LRRK1: variants seen among roughly 807,000 people sequenced by gnomAD.
LRRK1 encodes leucine-rich repeat serine/threonine-protein kinase 1.
Under a neutral mutation model 209.1 loss-of-function variants are expected in LRRK1, and 113 were observed. That is an observed-to-expected ratio of 0.54 (90% CI 0.46 to 0.63). The LOEUF is 0.63. Among genes scored for constraint, LRRK1 ranks in the 30% least tolerant of loss-of-function variants. LRRK1 has a pLI of 0.00. For synonymous variants in LRRK1, 1,144 were observed against 1,099.7 expected (o/e 1.04, Z -0.80); for missense variants, 2,284 against 2,632.2 (o/e 0.87, Z 2.89).
At position 101,049,675 on chromosome 15, in the gene LRRK1, A is replaced by C; in HGVS notation, c.3331A>C (p.Lys1111Gln). ...VESSDVNWKKKKSGGMKIVCQ... is the reference protein window; with the variant it reads ...VESSDVNWKKQKSGGMKIVCQ... ...ATCTTCCGACGTGAACTGGAAAAAG[A>C]AGAAAAGCGGAGGAATGAAAATTGT... The change falls in exon 23 of 34, where the codon AAG (lysine) becomes CAG (glutamine). Residue 1111 changes from lysine to glutamine, a missense_variant. This residue lies in a region of LRRK1 where 780 missense variants were observed against 985.2 expected (regional missense o/e 0.79). Transcript: ENST00000388948. 3 of 1,614,072 alleles carry C rather than the reference A, an allele frequency of 1.9e-6. No individual in the cohort carries two copies. Among genetic ancestry groups the C allele is most frequent in the Non-Finnish European group, 8.5e-7 (1 of 1,179,962 alleles).
Position 101,010,510 on chromosome 15 carries a change from C to T in LRRK1, c.1050C>T (p.His350=). The T allele has an allele frequency of 3.7e-6, 6 of 1,612,312 alleles. No homozygotes were observed. Among genetic ancestry groups the T allele is most frequent in the Non-Finnish European group, 5.1e-6 (6 of 1,179,536 alleles). ...CCCACCTCCCTCCTGGATTCTTGCA[C>T]CTCTCAAAACTTCAAAAACTGACAG... ...KLSHLPPGFL[H]LSKLQKLTAS... Residue 350 remains histidine, a synonymous_variant, in exon 8 of 34, where the codon CAC becomes CAT. Transcript: ENST00000388948.
chr15:100,933,425 G>A (rs945211761), intron 2 of LRRK1, among the ~76,000 whole-genome samples: 26 of 152,178 alleles, frequency 1.7e-4, no homozygotes, highest in East Asian at 1.9e-4. Flanking sequence ...TTCTGCTTTC[G>A]CTATAGTTTT....
rs1290479186 is a variant in LRRK1 at position 101,075,400 on chromosome 15, G to A, written c.*6552G>A. The A allele has an allele frequency of 1.6e-4, 19 of 121,738 alleles. No individual in the cohort carries two copies. Among genetic ancestry groups the A allele is most frequent in the African/African-American group, 6.5e-4 (17 of 26,304 alleles). The allele number at this position is 121,738 out of a possible 1,614,324, so 7.5% of individuals were successfully genotyped here. On this transcript the variant is annotated 3_prime_UTR_variant, in exon 34 of 34. Transcript: ENST00000388948. ...CTTCCCAATCCAAAGCCTCCTTTGT[G>A]TCCTCCTCTTGTATCCCCCGACCTT...
In LRRK1 at chr15:101,007,427, G is replaced by A. The variant is rs139375497; in HGVS notation, c.763-1410G>A. On this transcript the variant is annotated intron_variant, in intron 6 of 33. Coordinates refer to ENST00000388948, the MANE Select transcript of LRRK1 (RefSeq NM_024652.6). ...GCAAAGTCCTGCTCCCATATATTTCGCCAGGTCCCTTTGACCACCCCATGC... is the reference window on the plus strand; with the variant it reads ...GCAAAGTCCTGCTCCCATATATTTCACCAGGTCCCTTTGACCACCCCATGC... Among the ~76,000 whole-genome samples, 9 of 152,250 alleles carry A rather than the reference G, an allele frequency of 5.9e-5. No homozygotes were observed. In the East Asian group the frequency reaches 9.6e-4, roughly 16 times the overall value.
chr15:101,028,574 C>T (rs75964694), intron 19 of LRRK1, among the ~76,000 whole-genome samples: 17,216 of 152,310 alleles, frequency 0.11, 1,151 homozygotes, highest in Non-Finnish European at 0.15. Flanking sequence ...GTTCAGCCTC[C>T]GCTGGCAACG....
At position 101,072,888 on chromosome 15, in the gene LRRK1, A is replaced by T. The variant is rs1428627882; in HGVS notation, c.*4040A>T. On this transcript the variant is annotated 3_prime_UTR_variant, in exon 34 of 34. Transcript: ENST00000388948. ...AAATAAACAGCCTTGTTGCTCACAC[A>T]AAGCCTGTTTGGTGGTCTCTTCACA... is the stretch of plus-strand genomic sequence containing the variant. 6.5e-6 allele frequency: 1 copy of T among 152,810 alleles called. No individual in the cohort carries two copies. The highest frequency in any genetic ancestry group is 6.5e-5 in the Admixed American group (1 of 15,298). The allele number at this position is 152,810 out of a possible 1,614,324, so 9.5% of individuals were successfully genotyped here.
intron 6 of LRRK1, chr15:100,989,647 A>G (rs966919414): frequency 5.2e-6 from 3 of 578,946 alleles, no homozygotes; most frequent in African/African-American, 3.7e-5. Context: ...CCTCAAAATA[A>G]CAAACCCACT....
intron 30 of LRRK1, among the ~76,000 whole-genome samples, chr15:101,062,215 C>T (rs2036227228): frequency 1.3e-5 from 2 of 152,240 alleles, no homozygotes; most frequent in African/African-American, 4.8e-5. Context: ...TGCTGTCTCA[C>T]ATGGGAAGAA....
intron 27 of LRRK1, among the ~76,000 whole-genome samples, chr15:101,056,611 ATGGATGGATGGG>A (rs1469825926): frequency 4.6e-5 from 7 of 152,216 alleles, no homozygotes; most frequent in African/African-American, 1.7e-4. Flanking sequence ...AGACAAGCAA[ATGGATGGATGGG>A]TGGATGGATG....
chr15:100,943,007 G>A (rs1027076431), intron 2 of LRRK1, among the ~76,000 whole-genome samples: 3 of 152,060 alleles, frequency 2.0e-5, no homozygotes, highest in East Asian at 3.8e-4. Flanking sequence ...CTTTTTTCCC[G>A]GTTTTCACAG....
chr15:100,987,275 G>C (rs1182233235), intron 4 of LRRK1, among the ~76,000 whole-genome samples: 1 of 152,104 alleles, frequency 6.6e-6, no homozygotes, highest in African/African-American at 2.4e-5. Context: ...TCACTTGGGA[G>C]CACTTTGATC....
At position 101,029,381 on chromosome 15, in the gene LRRK1, T is replaced by G. The variant is rs2034184976; in HGVS notation, c.2963+149T>G. On this transcript the variant is annotated intron_variant, in intron 20 of 33. Transcript: ENST00000388948. ...ACGGACAGGCCAGCACCCGATGACCTGCCTGCCGGGCCTGGGTCAGCAGGA... is the reference window on the plus strand; with the variant it reads ...ACGGACAGGCCAGCACCCGATGACCGGCCTGCCGGGCCTGGGTCAGCAGGA... 7.4e-6 allele frequency: 6 copies of G among 812,488 alleles called. No homozygotes were observed. The South Asian group carries it at 1.0e-4, about 14-fold the overall frequency. The allele number at this position is 812,488 out of a possible 1,614,324, so 50.3% of individuals were successfully genotyped here.
At chr15:100,934,819 AAAAG>A (rs966880510) in intron 2 of LRRK1, among the ~76,000 whole-genome samples, 2 of 151,240 alleles carry the variant, frequency 1.3e-5, no homozygotes, top group Non-Finnish European at 3.0e-5. Flanking sequence ...AAAAAAAAAA[AAAAG>A]GAAGGAAGAA....
At chr15:101,057,902 G>A in intron 28 of LRRK1, 88 bp from the exon 29 acceptor site, 5 of 1,407,926 alleles carry the variant, frequency 3.6e-6, no homozygotes, top group Admixed American at 1.8e-5. Context: ...ATTCCTCCCT[G>A]GTTGGGGCTG....
chr15:101,050,475 G>A (rs1052043866), intron 23 of LRRK1, among the ~76,000 whole-genome samples: 2 of 151,646 alleles, frequency 1.3e-5, no homozygotes, highest in Admixed American at 1.3e-4. Context: ...GAGAGCTTCA[G>A]CCCTGAACGC....
At chr15:100,982,350 G>A (rs964335464) in intron 3 of LRRK1, among the ~76,000 whole-genome samples, 5 of 152,346 alleles carry the variant, frequency 3.3e-5, no homozygotes, top group Admixed American at 6.5e-5. Context: ...TGCCAATCTA[G>A]CAGCTATCTG....
intron 3 of LRRK1, among the ~76,000 whole-genome samples, chr15:100,979,365 C>T (rs893864081): frequency 6.6e-6 from 1 of 152,102 alleles, no homozygotes; most frequent in African/African-American, 2.4e-5. Flanking sequence ...AAGTTCTATT[C>T]AAGAGCAACT....
Position 101,069,444 on chromosome 15 carries a change from T to C in LRRK1, c.*596T>C, listed in dbSNP as rs1255083326. On this transcript the variant is annotated 3_prime_UTR_variant, in exon 34 of 34. Coordinates refer to ENST00000388948, the MANE Select transcript of LRRK1 (RefSeq NM_024652.6). ...GGGAAAGCCCTTGGGGGATCCCGGG[T>C]GAGGAGTGTTGCCCCATCCAGAGAA... 1 of 152,434 alleles carries C rather than the reference T, an allele frequency of 6.6e-6. No homozygotes were observed. The highest frequency in any genetic ancestry group is 1.5e-5 in the Non-Finnish European group (1 of 68,152). The allele number at this position is 152,434 out of a possible 1,614,324, so 9.4% of individuals were successfully genotyped here.
chr15:100,941,871 A>G (rs2042444227), intron 2 of LRRK1, among the ~76,000 whole-genome samples: 1 of 152,074 alleles, frequency 6.6e-6, no homozygotes, highest in Non-Finnish European at 1.5e-5. Flanking sequence ...GGCCAGATCC[A>G]CAGGAGTCTG....
Sources: allele counts gnomAD v4.1 joint callset (sites outside exome capture counted in the v4.1 genomes callset), GRCh38; gene constraint gnomAD v4.1.1; regional missense constraint gnomAD v4.1.1; transcripts MANE v1.5; gene names NCBI Gene and HGNC (gene_info 2026-07-23, HGNC 2026-07-21).